Variants in NUP62CL observed in about 807,000 individuals in gnomAD.
NUP62CL encodes nucleoporin 62 C-terminal like.
Under a neutral mutation model 15.3 loss-of-function variants are expected in NUP62CL, and 13 were observed. That is an observed-to-expected ratio of 0.85 (90% CI 0.55 to 1.35). NUP62CL has a LOEUF of 1.35. Ranked by LOEUF, NUP62CL falls within the 40% of genes most tolerant of loss-of-function variation. NUP62CL has a pLI of 0.00. For missense variants in NUP62CL, 123 were observed against 130.6 expected (o/e 0.94, Z 0.28); for synonymous variants, 54 against 49.2 (o/e 1.10, Z -0.41).
intron 8 of NUP62CL, among the ~76,000 whole-genome samples, chrX:107,125,045 C>A (rs991153233): frequency 1.8e-5 from 2 of 111,512 alleles, no homozygotes; most frequent in Non-Finnish European, 3.8e-5. Context: ...TAGGTTTAAA[C>A]TGCGCAAGTT....
At chrX:107,184,355 G>C (rs1208054219) in intron 2 of NUP62CL, among the ~76,000 whole-genome samples, 3 of 87,939 alleles carry the variant, frequency 3.4e-5, no homozygotes, top group Non-Finnish European at 4.6e-5. Flanking sequence ...AAGAAAGAAA[G>C]AAACTAATTA....
At chrX:107,181,888 T>C (rs769071600) in intron 2 of NUP62CL, among the ~76,000 whole-genome samples, 20 of 112,284 alleles carry the variant, frequency 1.8e-4, no homozygotes, top group Non-Finnish European at 3.8e-4. Flanking sequence ...CTTTCTCCAT[T>C]ATATTTCCCA....
At chrX:107,134,058 T>C (rs1163395786) in intron 8 of NUP62CL, among the ~76,000 whole-genome samples, 1 of 112,673 alleles carries the variant, frequency 8.9e-6, no homozygotes, top group East Asian at 2.8e-4. Context: ...GGCCTATTTT[T>C]AGTCTACTAC....
At chrX:107,164,008 T>C (rs1285579) in intron 4 of NUP62CL, among the ~76,000 whole-genome samples, 41,039 of 110,993 alleles carry the variant, frequency 0.37, 8,127 homozygotes, top group African/African-American at 0.77. Context: ...GCAACAGAAT[T>C]TAATTAACAT....
At chrX:107,202,436 T>C (rs1245266035) in intron 1 of NUP62CL, 2 of 111,203 alleles carry the variant, frequency 1.8e-5, no homozygotes, top group East Asian at 5.6e-4. Context: ...CACACTCATA[T>C]AATCTTCGAA....
At chrX:107,139,314 C>T (rs1014868172) in intron 8 of NUP62CL, among the ~76,000 whole-genome samples, 1 of 111,224 alleles carries the variant, frequency 9.0e-6, no homozygotes, top group African/African-American at 3.3e-5. Flanking sequence ...GAACTAAATA[C>T]ACACACACAA....
At chrX:107,132,100 C>G in intron 8 of NUP62CL, 1 of 1,171,887 alleles carries the variant, frequency 8.5e-7, no homozygotes, top group Non-Finnish European at 1.2e-6. Context: ...AGCTTCAGCC[C>G]CAGATAAATC....
intron 4 of NUP62CL, among the ~76,000 whole-genome samples, chrX:107,161,266 G>A (rs1926361423): frequency 1.0e-5 from 1 of 100,050 alleles, no homozygotes; most frequent in Non-Finnish European, 2.0e-5. Flanking sequence ...ATTTGACCCA[G>A]CCATCCCATT....
At position 107,141,903 on chromosome X, in the gene NUP62CL, T is replaced by C. The variant is rs765515579; in HGVS notation, c.*42+5840A>G. 5.5e-5 allele frequency among the ~76,000 whole-genome samples: 6 copies of C among 108,829 alleles called. No individual in the cohort carries two copies. The East Asian group carries it at 1.7e-3, about 32-fold the overall frequency. 94.5% of individuals were successfully genotyped at this position (108,829 alleles called of 115,157 possible). A position where few individuals can be genotyped will look rare whatever the true frequency, so the allele number is the denominator to read the frequency against. The stretch of plus-strand genomic sequence containing the variant: ...ATGAAACCCTGTCTCTACCAAAAAA[T>C]ACAAAAATTAGCCGGGTATGGTGGT... On this transcript the variant is annotated intron_variant, in intron 8 of 8. Transcript: ENST00000372466.
chrX:107,171,866 G>C (rs753596162), intron 3 of NUP62CL, among the ~76,000 whole-genome samples: 21 of 42,066 alleles, frequency 5.0e-4, no homozygotes, highest in Non-Finnish European at 7.5e-4. Context: ...ATGACTAAAA[G>C]AATCAGGGTT....
intron 7 of NUP62CL, among the ~76,000 whole-genome samples, chrX:107,149,042 T>A (rs1397341167): frequency 9.0e-6 from 1 of 111,712 alleles, no homozygotes. Context: ...CAATTACCCT[T>A]TAATTGACTC....
intron 1 of NUP62CL, among the ~76,000 whole-genome samples, chrX:107,198,283 C>T (rs190793391): frequency 8.9e-4 from 99 of 111,769 alleles, no homozygotes; most frequent in African/African-American, 3.1e-3. Flanking sequence ...TAAAAACGGA[C>T]GAATCAGCAC....
intron 2 of NUP62CL, among the ~76,000 whole-genome samples, chrX:107,188,487 C>T (rs1421878039): frequency 1.9e-5 from 2 of 107,025 alleles, no homozygotes; most frequent in African/African-American, 6.8e-5. Flanking sequence ...ACTTCCTTAA[C>T]TTGATAAAGA....
At chrX:107,153,331 G>A in intron 6 of NUP62CL, 25 bp from the exon 7 acceptor site, 1 of 1,186,814 alleles carries the variant, frequency 8.4e-7, no homozygotes, top group African/African-American at 1.8e-5. Flanking sequence ...TTAATAAAAA[G>A]GCTGATGAAA....
chrX:107,127,209 CAT>C (rs1394949292), intron 8 of NUP62CL, among the ~76,000 whole-genome samples: 2 of 111,567 alleles, frequency 1.8e-5, no homozygotes, highest in African/African-American at 3.3e-5. Context: ...CAAAAGGCCA[CAT>C]ATAATATGAT....
chrX:107,157,432 A>G (rs1412619908), intron 4 of NUP62CL, among the ~76,000 whole-genome samples: 60 of 107,248 alleles, frequency 5.6e-4, no homozygotes, highest in African/African-American at 1.9e-3. Flanking sequence ...CGGATCTCTC[A>G]GCAGAAACCC....
intron 8 of NUP62CL, among the ~76,000 whole-genome samples, chrX:107,143,908 C>T (rs1408903670): frequency 9.0e-6 from 1 of 111,495 alleles, no homozygotes; most frequent in African/African-American, 3.3e-5. Context: ...TAATTAAACC[C>T]TGCCACTCTC....
chrX:107,192,123 A>C (rs16987298), intron 2 of NUP62CL, among the ~76,000 whole-genome samples: 2,776 of 112,068 alleles, frequency 0.025, 99 homozygotes, highest in African/African-American at 0.085. Flanking sequence ...CCTCCTTTAA[A>C]ATTCTGAGAT....
chrX:107,187,349 A>C (rs1014155252), intron 2 of NUP62CL, among the ~76,000 whole-genome samples: 4 of 112,313 alleles, frequency 3.6e-5, no homozygotes, highest in Non-Finnish European at 7.5e-5. Context: ...CAGTAAAATT[A>C]AAAACGAAAA....
Sources: gnomAD v4.1 joint callset for allele counts (sites outside exome capture counted in the v4.1 genomes callset) on GRCh38, gnomAD v4.1.1 for gene constraint, MANE v1.5 for transcripts, NCBI Gene and HGNC (gene_info 2026-07-23, HGNC 2026-07-21) for gene names.